CACNB2: variants seen among roughly 807,000 people sequenced by gnomAD.
CACNB2 encodes voltage-dependent L-type calcium channel subunit beta-2.
Under a neutral mutation model 73.3 loss-of-function variants are expected in CACNB2, and 42 were observed. That is an observed-to-expected ratio of 0.57 (90% CI 0.45 to 0.74). CACNB2 has a LOEUF of 0.74. Ranked by LOEUF, CACNB2 falls within the 30% of genes least tolerant of loss-of-function variation. CACNB2 has a pLI of 0.00. For missense variants in CACNB2, 940 were observed against 853.0 expected, an observed-to-expected ratio of 1.10 and a Z score of -1.27; for synonymous variants, 348 against 310.3, an observed-to-expected ratio of 1.12 and a Z score of -1.28.
chr10:18,450,441 G>A (rs1385165466), intron 3 of CACNB2, among the ~76,000 whole-genome samples: 9 of 152,106 alleles, frequency 5.9e-5, no homozygotes, highest in Non-Finnish European at 7.4e-5. Context: ...GAATAATGTC[G>A]AAACAGTGTG....
intron 2 of CACNB2, among the ~76,000 whole-genome samples, chr10:18,219,315 G>C (rs1429689228): frequency 6.6e-6 from 1 of 152,186 alleles, no homozygotes. Flanking sequence ...CTCTGAGGGT[G>C]GGGAATGAAG....
intron 2 of CACNB2, among the ~76,000 whole-genome samples, chr10:18,295,354 T>G (rs2039234386): frequency 6.6e-6 from 1 of 152,230 alleles, no homozygotes; most frequent in African/African-American, 2.4e-5. Flanking sequence ...CTAATGGCTG[T>G]AGACCTGACT....
intron 2 of CACNB2, among the ~76,000 whole-genome samples, chr10:18,371,609 A>T (rs1186239384): frequency 6.6e-6 from 1 of 152,118 alleles, no homozygotes; most frequent in Non-Finnish European, 1.5e-5. Flanking sequence ...TCATTGTTGG[A>T]CATTTGGGTT....
chr10:18,510,126 G>T (rs899933942), intron 6 of CACNB2, among the ~76,000 whole-genome samples: 1 of 152,160 alleles, frequency 6.6e-6, no homozygotes, highest in Non-Finnish European at 1.5e-5. Flanking sequence ...AATGAACTCA[G>T]ATGTTTTTAG....
At chr10:18,395,739 C>T (rs1365696388) in intron 2 of CACNB2, among the ~76,000 whole-genome samples, 1 of 152,126 alleles carries the variant, frequency 6.6e-6, no homozygotes. Context: ...GACCCTGCAG[C>T]GATGTATTGC....
chr10:18,298,819 A>G (rs1261946756), intron 2 of CACNB2, among the ~76,000 whole-genome samples: 28 of 152,188 alleles, frequency 1.8e-4, no homozygotes, highest in Admixed American at 1.8e-3. Flanking sequence ...CAGAGGTAAT[A>G]AGAATGGCGG....
chr10:18,452,133 TAAA>T (rs2047048091), intron 3 of CACNB2, among the ~76,000 whole-genome samples: 2 of 152,174 alleles, frequency 1.3e-5, no homozygotes, highest in South Asian at 4.1e-4. Flanking sequence ...CAAGTCATAA[TAAA>T]AATACAGCTG....
chr10:18,308,147 C>G (rs2039816546), intron 2 of CACNB2, among the ~76,000 whole-genome samples: 1 of 151,842 alleles, frequency 6.6e-6, no homozygotes. Flanking sequence ...GCACCCGCCA[C>G]CATGCCAGGC....
At chr10:18,278,466 A>T (rs2038392350) in intron 2 of CACNB2, among the ~76,000 whole-genome samples, 1 of 152,164 alleles carries the variant, frequency 6.6e-6, no homozygotes, top group Admixed American at 6.5e-5. Flanking sequence ...CCACAGTCTT[A>T]TGTATTCCCC....
At chr10:18,315,108 G>A (rs541307789) in intron 2 of CACNB2, among the ~76,000 whole-genome samples, 2 of 152,228 alleles carry the variant, frequency 1.3e-5, no homozygotes, top group Admixed American at 6.5e-5. Context: ...AACGCCGGCC[G>A]ATGACCTGAG....
chr10:18,476,697 G>A (rs1483447417), intron 3 of CACNB2, among the ~76,000 whole-genome samples: 1 of 152,184 alleles, frequency 6.6e-6, no homozygotes, highest in Non-Finnish European at 1.5e-5. Flanking sequence ...ATGGTTGCAG[G>A]AGGGTTCTAA....
chr10:18,255,442 A>G (rs530297778), intron 2 of CACNB2, among the ~76,000 whole-genome samples: 108 of 152,272 alleles, frequency 7.1e-4, no homozygotes, highest in African/African-American at 2.3e-3. Context: ...TATTCTGTAC[A>G]TTCATGCAAA....
At chr10:18,512,441 G>A (rs888812073) in intron 6 of CACNB2, among the ~76,000 whole-genome samples, 1 of 149,564 alleles carries the variant, frequency 6.7e-6, no homozygotes, top group Admixed American at 6.8e-5. Context: ...GCATTGACTG[G>A]ATTGAGAATT....
chr10:18,338,630 CCCTT>C (rs957562157), intron 2 of CACNB2, among the ~76,000 whole-genome samples: 56 of 146,772 alleles, frequency 3.8e-4, no homozygotes, highest in Non-Finnish European at 2.8e-4. Context: ...TTCCTTCTTT[CCCTT>C]CCTTCCTTCT....
chr10:18,383,519 T>C (rs1265666211), intron 2 of CACNB2, among the ~76,000 whole-genome samples: 1 of 152,166 alleles, frequency 6.6e-6, no homozygotes, highest in Non-Finnish European at 1.5e-5. Flanking sequence ...ATCGTCTTCA[T>C]GTGCCAAGCC....
Position 18,413,350 on chromosome 10 carries a change from C to T in CACNB2, c.333+11307C>T, listed in dbSNP as rs543790073. Among the ~76,000 whole-genome samples, 5 of 152,318 alleles carry T rather than the reference C, an allele frequency of 3.3e-5. No homozygotes were observed. In the South Asian group the frequency reaches 8.3e-4, roughly 25 times the overall value. On this transcript the variant is annotated intron_variant, in intron 3 of 13. Coordinates refer to ENST00000324631, the MANE Select transcript of CACNB2 (RefSeq NM_201596.3). ...TTTCACCTCAGGAGCGAGCTTTAAA[C>T]CACTGCCATCTTCCCTTCTATTCTC...
chr10:18,407,879 A>T (rs1564515483), intron 3 of CACNB2, among the ~76,000 whole-genome samples: 1 of 151,994 alleles, frequency 6.6e-6, no homozygotes, highest in African/African-American at 2.4e-5. Context: ...AAAGATACTA[A>T]TTTTTTTGAA....
chr10:18,483,617 C>G lies in CACNB2; in HGVS notation c.334-14738C>G, dbSNP rs1045098587. The stretch of plus-strand genomic sequence containing the variant: ...AATAAAATCGCTGAAATTTGTATAA[C>G]TTCTGATCGCTAGACCTCTGTGAAC... On this transcript the variant is annotated intron_variant, in intron 3 of 13. Transcript: ENST00000324631. Among the ~76,000 whole-genome samples the G allele has an allele frequency of 4.0e-5, 6 of 151,712 alleles. No homozygotes were observed. The East Asian group carries it at 1.2e-3, about 29-fold the overall frequency.
chr10:18,194,799 C>T (rs539442608), intron 2 of CACNB2, among the ~76,000 whole-genome samples: 9 of 152,154 alleles, frequency 5.9e-5, no homozygotes, highest in African/African-American at 7.2e-5. Flanking sequence ...TTTTATGAAA[C>T]GAACATTCCT....
Sources: allele counts gnomAD v4.1 joint callset (sites outside exome capture counted in the v4.1 genomes callset), GRCh38; gene constraint gnomAD v4.1.1; transcripts MANE v1.5; gene names NCBI Gene and HGNC (gene_info 2026-07-23, HGNC 2026-07-21).